Variants in EIF2AK4 observed in about 807,000 individuals in gnomAD.
EIF2AK4 encodes eukaryotic translation initiation factor 2 alpha kinase 4.
Under a neutral mutation model 211.1 loss-of-function variants are expected in EIF2AK4, and 139 were observed. That is an observed-to-expected ratio of 0.66 (90% CI 0.57 to 0.76). The LOEUF (loss-of-function observed/expected upper bound fraction) is 0.76, where lower values mean the gene tolerates loss of function less well. Among genes scored for constraint, EIF2AK4 ranks in the 30% least tolerant of loss-of-function variants. EIF2AK4 has a pLI of 0.00. For synonymous variants in EIF2AK4, 710 were observed against 751.3 expected (o/e 0.94, Z 0.90); for missense variants, 1,664 against 2,043.8 (o/e 0.81, Z 3.58).
At position 40,022,510 on chromosome 15, in the gene EIF2AK4, T is replaced by G. The variant is rs3816898; in HGVS notation, c.4303-9T>G. 1.1e-3 allele frequency: 1,782 copies of G among 1,612,534 alleles called. 12 individuals are homozygous for G. In the Admixed American group the frequency reaches 0.017, roughly 16 times the overall value. On this transcript the variant is annotated splice_polypyrimidine_tract_variant and intron_variant, in intron 31 of 38. Transcript: ENST00000263791. ...TGTTTATTTTCTTTACTATGTTTGTTTGTTTCAGTCCCAAGAGGAATTACA... is the reference window on the plus strand; with the variant it reads ...TGTTTATTTTCTTTACTATGTTTGTGTGTTTCAGTCCCAAGAGGAATTACA...
chr15:39,997,488 C>T (rs2035032980), intron 19 of EIF2AK4, among the ~76,000 whole-genome samples: 1 of 152,102 alleles, frequency 6.6e-6, no homozygotes, highest in African/African-American at 2.4e-5. Context: ...CTGAGATTTA[C>T]TCTTGATTTT....
intron 36 of EIF2AK4, among the ~76,000 whole-genome samples, chr15:40,032,477 C>T (rs991528302): frequency 4.6e-5 from 7 of 152,220 alleles, no homozygotes; most frequent in Non-Finnish European, 1.0e-4. Context: ...CATTTTCCTA[C>T]ATATATCAGG....
chr15:39,995,346 G>A (rs997922110), intron 18 of EIF2AK4, among the ~76,000 whole-genome samples: 6 of 152,042 alleles, frequency 3.9e-5, no homozygotes, highest in African/African-American at 1.4e-4. Context: ...GAGTCTCGCC[G>A]CCCCCTCTTT....
At position 40,030,402 on chromosome 15, in the gene EIF2AK4, T is replaced by C. The variant is rs972900278; in HGVS notation, c.4605T>C (p.Ser1535=). 6.2e-7 allele frequency: 1 copy of C among 1,614,098 alleles called. No individual in the cohort carries two copies. The highest frequency in any genetic ancestry group is 8.5e-7 in the Non-Finnish European group (1 of 1,180,012). ...IHGATVVPIV[S]VLAPEKLSAS... is the part of the protein sequence containing the mutation. ...GAGCAACAGTGGTTCCCATTGTGAG[T>C]GTGCTAGCCCCGGAGAAGCTGTCAG... The change falls in exon 35 of 39, where the codon AGT becomes AGC. Residue 1535 remains serine (S), a synonymous_variant. Transcript: ENST00000263791.
At chr15:40,029,381 A>AAAG in intron 33 of EIF2AK4, 25 bp from the exon 34 acceptor site, 1 of 1,610,676 alleles carries the variant, frequency 6.2e-7, no homozygotes, top group African/African-American at 1.3e-5. Context: ...CTGTTCTTTA[A>AAAG]TTGTTTTTGT....
chr15:39,939,096 G>A (rs539476248), intron 1 of EIF2AK4, among the ~76,000 whole-genome samples: 1 of 152,222 alleles, frequency 6.6e-6, no homozygotes, highest in South Asian at 2.1e-4. Context: ...CCACCACTAT[G>A]TCCCTCTACT....
intron 29 of EIF2AK4, among the ~76,000 whole-genome samples, chr15:40,018,071 T>C (rs193061969): frequency 2.6e-5 from 4 of 152,314 alleles, no homozygotes; most frequent in African/African-American, 9.6e-5. Context: ...TCATGCCCCA[T>C]TTATAATATA....
chr15:40,006,788 G>A (rs2035167784), intron 23 of EIF2AK4, among the ~76,000 whole-genome samples: 1 of 152,144 alleles, frequency 6.6e-6, no homozygotes, highest in Non-Finnish European at 1.5e-5. Flanking sequence ...AGTGAATAAG[G>A]TTGATGGTAT....
At chr15:39,940,612 C>T (rs907024363) in intron 2 of EIF2AK4, among the ~76,000 whole-genome samples, 2 of 151,662 alleles carry the variant, frequency 1.3e-5, no homozygotes, top group Non-Finnish European at 2.9e-5. Flanking sequence ...ATTAACGAAA[C>T]GTTAATTATA....
chr15:39,943,710 T>TTTTTAGTAGAGACGGGGTTTCACCG (rs1355822423), intron 3 of EIF2AK4, among the ~76,000 whole-genome samples: 1 of 152,162 alleles, frequency 6.6e-6, no homozygotes, highest in Non-Finnish European at 1.5e-5. Flanking sequence ...ACACTTGTAA[T>TTTTTAGTAGAGACGGGGTTTCACCG]TCCAGCACTT....
At chr15:40,032,370 C>G (rs899603449) in intron 36 of EIF2AK4, 133 bp downstream of exon 36, 1 of 713,646 alleles carries the variant, frequency 1.4e-6, no homozygotes, top group Non-Finnish European at 2.4e-6. Flanking sequence ...GTGAACTACA[C>G]GCAATTTAAA....
At position 40,032,163 on chromosome 15, in the gene EIF2AK4, A is replaced by C. The variant is rs200576524; in HGVS notation, c.4660-6A>C. 14 of 1,611,958 alleles carry C rather than the reference A, an allele frequency of 8.7e-6. No individual in the cohort carries two copies. The highest frequency in any genetic ancestry group is 1.2e-5 in the Non-Finnish European group (14 of 1,178,104). The stretch of plus-strand genomic sequence containing the variant: ...ATGTTCTGAATTCCATTTTCTTACT[A>C]TTTAGGTACAAACTCGACTTCAGAC... On this transcript the variant is annotated splice_region_variant and splice_polypyrimidine_tract_variant and intron_variant, in intron 35 of 38. Coordinates refer to ENST00000263791, the MANE Select transcript of EIF2AK4 (RefSeq NM_001013703.4).
At position 40,035,095 on chromosome 15, in the gene EIF2AK4, C is replaced by T; in HGVS notation, c.*11C>T. On this transcript the variant is annotated 3_prime_UTR_variant, in exon 39 of 39. Coordinates refer to ENST00000263791, the MANE Select transcript of EIF2AK4 (RefSeq NM_001013703.4). ...AGAATCTTATTTTAACCCTAAAGAACTGTCGTTAACCTCATTCAAACAGAC... is the reference window on the plus strand; with the variant it reads ...AGAATCTTATTTTAACCCTAAAGAATTGTCGTTAACCTCATTCAAACAGAC... The T allele has an allele frequency of 6.4e-7, 1 of 1,557,076 alleles. No individual in the cohort carries two copies. The highest frequency in any genetic ancestry group is 8.7e-7 in the Non-Finnish European group (1 of 1,146,572).
At chr15:40,007,697 A>G (rs2035179888) in intron 24 of EIF2AK4, among the ~76,000 whole-genome samples, 1 of 152,228 alleles carries the variant, frequency 6.6e-6, no homozygotes, top group Non-Finnish European at 1.5e-5. Flanking sequence ...TATTCTAGCT[A>G]CAAGTGAATA....
At chr15:39,985,912 G>T (rs764321778) in intron 14 of EIF2AK4, 24 bp downstream of exon 14, 1 of 1,606,814 alleles carries the variant, frequency 6.2e-7, no homozygotes. Context: ...GTGTAGTTAG[G>T]TGACACAGCA....
At chr15:40,011,402 A>C in intron 27 of EIF2AK4, 56 bp downstream of exon 27, 8 of 1,470,730 alleles carry the variant, frequency 5.4e-6, no homozygotes, top group Non-Finnish European at 6.6e-6. Flanking sequence ...GTGATACCAG[A>C]AAATGTCATC....
At chr15:40,000,390 T>C (rs138901147) in intron 20 of EIF2AK4, among the ~76,000 whole-genome samples, 134 of 152,354 alleles carry the variant, frequency 8.8e-4, no homozygotes, top group African/African-American at 3.1e-3. Flanking sequence ...ATCTTTATTA[T>C]AAACAAGAGG....
At chr15:40,023,743 AG>A (rs1222996819) in intron 32 of EIF2AK4, among the ~76,000 whole-genome samples, 1 of 152,036 alleles carries the variant, frequency 6.6e-6, no homozygotes, top group Non-Finnish European at 1.5e-5. Context: ...GATTTTTCTC[AG>A]TTTTTATTTG....
intron 8 of EIF2AK4, among the ~76,000 whole-genome samples, chr15:39,966,125 A>T (rs2140912201): frequency 6.6e-6 from 1 of 152,218 alleles, no homozygotes; most frequent in African/African-American, 2.4e-5. Context: ...GGGACTAAAT[A>T]CTAGTTCATA....
Sources: gnomAD v4.1 joint callset for allele counts (sites outside exome capture counted in the v4.1 genomes callset) on GRCh38, gnomAD v4.1.1 for gene constraint, MANE v1.5 for transcripts, NCBI Gene and HGNC (gene_info 2026-07-23, HGNC 2026-07-21) for gene names.